The following CFAP299 variants were observed in gnomAD, a reference collection of about 807,000 sequenced individuals.
The protein encoded by CFAP299 is cilia and flagella associated protein 299.
Under a neutral mutation model 27.0 loss-of-function variants are expected in CFAP299, and 21 were observed. The observed-to-expected ratio is 0.78, with a 90% CI of 0.55 to 1.12. The LOEUF (loss-of-function observed/expected upper bound fraction) is 1.12, where lower values mean the gene tolerates loss of function less well. CFAP299 is among the 50% of genes most tolerant of loss of function. The pLI is 0.00. For missense variants in CFAP299, 310 were observed against 276.6 expected (o/e 1.12, Z -0.86); for synonymous variants, 104 against 98.1 (o/e 1.06, Z -0.36).
intron 3 of CFAP299, among the ~76,000 whole-genome samples, chr4:80,856,685 C>G (rs200996852): frequency 1.5e-5 from 2 of 129,708 alleles, no homozygotes; most frequent in East Asian, 4.4e-4. Flanking sequence ...GCTTGTTTTT[C>G]TCAGGTTTCT....
At chr4:80,461,863 T>TATCA (rs1729456677) in intron 2 of CFAP299, among the ~76,000 whole-genome samples, 1 of 152,166 alleles carries the variant, frequency 6.6e-6, no homozygotes, top group South Asian at 2.1e-4. Context: ...ATCACAGAAT[T>TATCA]AGAAAAGACC....
At chr4:80,691,014 A>G (rs1720642530) in intron 3 of CFAP299, among the ~76,000 whole-genome samples, 1 of 145,590 alleles carries the variant, frequency 6.9e-6, no homozygotes, top group East Asian at 2.0e-4. Flanking sequence ...ATCTCTGAAT[A>G]GACCAATAAC....
At chr4:80,740,988 C>A (rs1670841446) in intron 3 of CFAP299, among the ~76,000 whole-genome samples, 1 of 152,158 alleles carries the variant, frequency 6.6e-6, no homozygotes, top group South Asian at 2.1e-4. Context: ...CTCCAAGAGC[C>A]TAGACCTGGA....
chr4:80,447,138 T>TTTTTTTTTTTTTTTTG (rs1728667733), intron 2 of CFAP299, among the ~76,000 whole-genome samples: 1 of 112,012 alleles, frequency 8.9e-6, no homozygotes, highest in Non-Finnish European at 1.7e-5. Context: ...TTGTTTTTTT[T>TTTTTTTTTTTTTTTTG]TTTTTTTTTT....
chr4:80,732,774 T>C (rs1434463777), intron 3 of CFAP299, among the ~76,000 whole-genome samples: 3 of 152,166 alleles, frequency 2.0e-5, no homozygotes, highest in Non-Finnish European at 4.4e-5. Flanking sequence ...TTCCTCGTAC[T>C]AGAAAAGATT....
At chr4:80,850,838 T>C (rs1256501060) in intron 3 of CFAP299, among the ~76,000 whole-genome samples, 1 of 152,104 alleles carries the variant, frequency 6.6e-6, no homozygotes, top group Non-Finnish European at 1.5e-5. Flanking sequence ...TGAAATAAGA[T>C]ATTGGCAATC....
At chr4:80,796,271 A>G (rs1727855846) in intron 3 of CFAP299, among the ~76,000 whole-genome samples, 1 of 152,170 alleles carries the variant, frequency 6.6e-6, no homozygotes, top group East Asian at 1.9e-4. Context: ...TAGAAATTTT[A>G]CTGAGGTAGA....
chr4:80,585,290 T>C (rs142058941), intron 3 of CFAP299, among the ~76,000 whole-genome samples: 2 of 152,110 alleles, frequency 1.3e-5, no homozygotes, highest in Non-Finnish European at 2.9e-5. Flanking sequence ...ACAGAGATCA[T>C]GTGTTTGATT....
intron 3 of CFAP299, among the ~76,000 whole-genome samples, chr4:80,815,891 G>T (rs928223169): frequency 6.6e-6 from 1 of 151,890 alleles, no homozygotes; most frequent in Non-Finnish European, 1.5e-5. Context: ...TTGAACTAGG[G>T]TTGTTATAGA....
intron 4 of CFAP299, among the ~76,000 whole-genome samples, chr4:80,902,090 A>G (rs1240448135): frequency 6.6e-6 from 1 of 152,006 alleles, no homozygotes; most frequent in African/African-American, 2.4e-5. Flanking sequence ...CAGCTGGGTC[A>G]GGTGCCTTCC....
chr4:80,859,890 T>G (rs1443069128), intron 3 of CFAP299, among the ~76,000 whole-genome samples: 2 of 152,192 alleles, frequency 1.3e-5, no homozygotes, highest in African/African-American at 2.4e-5. Context: ...TTATGTGTCT[T>G]GGAGTTGCTC....
At chr4:80,481,738 TC>T (rs1287251389) in intron 2 of CFAP299, among the ~76,000 whole-genome samples, 27 of 152,082 alleles carry the variant, frequency 1.8e-4, no homozygotes, top group African/African-American at 6.5e-4. Flanking sequence ...AAGTCAGCTA[TC>T]CCTACTTCTA....
chr4:80,924,755 TAG>T (rs999649099), intron 4 of CFAP299, among the ~76,000 whole-genome samples: 7 of 151,458 alleles, frequency 4.6e-5, no homozygotes, highest in African/African-American at 9.7e-5. Flanking sequence ...CTCTATCAGC[TAG>T]AGTGTTATAA....
intron 3 of CFAP299, among the ~76,000 whole-genome samples, chr4:80,783,472 C>G (rs1286717592): frequency 6.6e-6 from 1 of 152,022 alleles, no homozygotes; most frequent in Non-Finnish European, 1.5e-5. Flanking sequence ...TTAAGTGGTG[C>G]CATTATTACA....
At chr4:80,901,185 A>C (rs573843479) in intron 4 of CFAP299, among the ~76,000 whole-genome samples, 1 of 152,304 alleles carries the variant, frequency 6.6e-6, no homozygotes, top group South Asian at 2.1e-4. Context: ...AGGGCAAAAA[A>C]AATATACCTA....
intron 3 of CFAP299, among the ~76,000 whole-genome samples, chr4:80,651,998 T>G (rs973739117): frequency 4.6e-5 from 7 of 152,104 alleles, no homozygotes; most frequent in Admixed American, 3.3e-4. Flanking sequence ...CATACTCTAC[T>G]CAAAATGGCA....
intron 3 of CFAP299, among the ~76,000 whole-genome samples, chr4:80,604,445 A>C (rs542682057): frequency 9.6e-4 from 146 of 152,290 alleles, no homozygotes; most frequent in Non-Finnish European, 1.7e-3. Flanking sequence ...CTCTAGGTAC[A>C]TCTTGATGTC....
rs142889320 is a variant in CFAP299 at position 80,792,348 on chromosome 4, G to T, written c.334-77645G>T. On this transcript the variant is annotated intron_variant, in intron 3 of 5. Coordinates refer to ENST00000358105, the MANE Select transcript of CFAP299 (RefSeq NM_152770.3). ...AAGTATTTTGAACTTTCTGAGTTGC[G>T]TTAGGATTTATTATACTTTTGGATT... 4.5e-4 allele frequency among the ~76,000 whole-genome samples: 68 copies of T among 152,092 alleles called. No individual in the cohort carries two copies. The East Asian group carries it at 0.01, about 23-fold the overall frequency.
intron 2 of CFAP299, among the ~76,000 whole-genome samples, chr4:80,384,814 GTCC>G (rs1724883336): frequency 6.6e-6 from 1 of 152,118 alleles, no homozygotes; most frequent in Non-Finnish European, 1.5e-5. Context: ...TTAAGTCAAT[GTCC>G]TCCTCATTCT....
Sources: allele counts gnomAD v4.1 joint callset (sites outside exome capture counted in the v4.1 genomes callset), GRCh38; gene constraint gnomAD v4.1.1; transcripts MANE v1.5; gene names NCBI Gene and HGNC (gene_info 2026-07-23, HGNC 2026-07-21).